The following DEFB107B variants were observed in gnomAD, a reference collection of about 807,000 sequenced individuals.
The protein encoded by DEFB107B is defensin beta 107B, also known as beta-defensin 107.
At chr8:7,496,547 TCC>T (rs1811750373) in intron 1 of DEFB107B, among the ~76,000 whole-genome samples, 1 of 147,708 alleles carries the variant, frequency 6.8e-6, no homozygotes, top group Admixed American at 6.7e-5. Context: ...TGATCCGCCC[TCC>T]TCGGCCTCCC....
At chr8:7,497,541 C>G (rs1244376743) in intron 1 of DEFB107B, among the ~76,000 whole-genome samples, 8 of 152,062 alleles carry the variant, frequency 5.3e-5, no homozygotes, top group Non-Finnish European at 1.5e-5. Context: ...AACAATGTCC[C>G]CATGAAAGTT....
chr8:7,496,456 C>G (rs1473244619), intron 1 of DEFB107B, among the ~76,000 whole-genome samples: 1 of 151,170 alleles, frequency 6.6e-6, no homozygotes, highest in East Asian at 2.0e-4. Context: ...CCCGCCACCA[C>G]GCCTGGCTAA....
chr8:7,496,490 C>T (rs1353740706), intron 1 of DEFB107B, among the ~76,000 whole-genome samples: 6 of 151,984 alleles, frequency 3.9e-5, no homozygotes, highest in South Asian at 2.1e-4. Context: ...TTAGTAGAGA[C>T]GGGGTTTCAC....
chr8:7,507,576 A>G, intron 1 of DEFB107B, among the ~76,000 whole-genome samples: 1 of 115,506 alleles, frequency 8.7e-6, no homozygotes, highest in Non-Finnish European at 1.7e-5. Context: ...TTCATGTAAA[A>G]GTCCAAAAAT....
chr8:7,496,288 TTC>T, intron 1 of DEFB107B, among the ~76,000 whole-genome samples: 1 of 89,232 alleles, frequency 1.1e-5, no homozygotes, highest in African/African-American at 4.7e-5. Context: ...GTTCAGCATA[TTC>T]TTTTTTTTTT....
intron 1 of DEFB107B, among the ~76,000 whole-genome samples, chr8:7,508,559 T>C (rs1244715988): frequency 7.3e-6 from 1 of 137,534 alleles, no homozygotes; most frequent in Non-Finnish European, 1.5e-5. Context: ...TTGGTGTTCT[T>C]TGCACAGTAA....
chr8:7,497,337 GAC>G (rs1318234729), intron 1 of DEFB107B, among the ~76,000 whole-genome samples: 1 of 152,268 alleles, frequency 6.6e-6, no homozygotes, highest in Non-Finnish European at 1.5e-5. Flanking sequence ...ATATCAATGA[GAC>G]AGGAAAATTC....
In DEFB107B at chr8:7,498,845, T is replaced by C. The variant is rs1811822668; in HGVS notation, c.70+2842T>C. Among the ~76,000 whole-genome samples the C allele has an allele frequency of 9.6e-5, 2 of 20,834 alleles. 1 individual carries two copies. Among genetic ancestry groups the C allele is most frequent in the Non-Finnish European group, 4.0e-4 (2 of 4,970 alleles). The allele number at this position is 20,834 out of a possible 152,430, so 13.7% of individuals were successfully genotyped here. A position where few individuals can be genotyped will look rare whatever the true frequency, so the allele number is the denominator to read the frequency against. Reference sequence around the variant, plus strand: ...GATCTCTCTTGCTTTTCCCCACATTTCCCCCTTTTCTTTTCGACAAAACCG... The same window carrying C: ...GATCTCTCTTGCTTTTCCCCACATTCCCCCCTTTTCTTTTCGACAAAACCG... On this transcript the variant is annotated intron_variant, in intron 1 of 1. Transcript: ENST00000355602.
intron 1 of DEFB107B, among the ~76,000 whole-genome samples, chr8:7,496,504 G>A (rs1233734216): frequency 1.2e-4 from 18 of 152,024 alleles, no homozygotes; most frequent in Non-Finnish European, 1.5e-5. Context: ...GTTTCACCGT[G>A]TTAGCCAGGA....
Position 7,502,811 on chromosome 8 carries a change from C to A in DEFB107B, c.71-6270C>A, listed in dbSNP as rs1420669048. On this transcript the variant is annotated intron_variant, in intron 1 of 1. Transcript: ENST00000355602. ...GCTATTGCCAGTCCAGCACTGGCAA[C>A]CTCTGCTTGCAGAAATGTATAACAG... Among the ~76,000 whole-genome samples the A allele has an allele frequency of 1.7e-4, 4 of 23,386 alleles. 2 individuals are homozygous for A. The highest frequency in any genetic ancestry group is 7.1e-4 in the Non-Finnish European group (4 of 5,650). 15.3% of individuals were successfully genotyped at this position (23,386 alleles called of 152,430 possible). A position where few individuals can be genotyped will look rare whatever the true frequency, so the allele number is the denominator to read the frequency against.
intron 1 of DEFB107B, among the ~76,000 whole-genome samples, chr8:7,496,220 G>T (rs1811723255): frequency 9.8e-6 from 1 of 102,112 alleles, no homozygotes; most frequent in Non-Finnish European, 2.0e-5. Flanking sequence ...CTCTGCCAAG[G>T]AATTCAGACA....
rs1374807540 is a variant in DEFB107B at position 7,506,940 on chromosome 8, T to C, written c.71-2141T>C. On this transcript the variant is annotated intron_variant, in intron 1 of 1. Coordinates refer to ENST00000355602, the MANE Select transcript of DEFB107B (RefSeq NM_001040705.2). Reference sequence around the variant, plus strand: ...CACAGACCCTTTACGGGTATCGGGCTGGGGGACGGTCATGTCTTTCCCTTC... The same window carrying C: ...CACAGACCCTTTACGGGTATCGGGCCGGGGGACGGTCATGTCTTTCCCTTC... Among the ~76,000 whole-genome samples the C allele has an allele frequency of 1.3e-4, 2 of 15,378 alleles. 1 individual carries two copies. The highest frequency in any genetic ancestry group is 3.9e-4 in the Non-Finnish European group (2 of 5,138). The allele number at this position is 15,378 out of a possible 152,430, so 10.1% of individuals were successfully genotyped here.
At chr8:7,508,293 G>A (rs1180272484) in intron 1 of DEFB107B, among the ~76,000 whole-genome samples, 2 of 138,478 alleles carry the variant, frequency 1.4e-5, no homozygotes, top group Admixed American at 7.2e-5. Flanking sequence ...TATTCCACAT[G>A]ATAATATTTC....
chr8:7,496,561 G>A (rs1488465056), intron 1 of DEFB107B, among the ~76,000 whole-genome samples: 4 of 150,336 alleles, frequency 2.7e-5, no homozygotes, highest in South Asian at 2.1e-4. Context: ...CGGCCTCCCA[G>A]AGCCCTGGGA....
At position 7,503,414 on chromosome 8, in the gene DEFB107B, C is replaced by A. The variant is rs1315159347; in HGVS notation, c.71-5667C>A. 3.9e-4 allele frequency among the ~76,000 whole-genome samples: 9 copies of A among 22,878 alleles called. 3 individuals are homozygous for A. The highest frequency in any genetic ancestry group is 7.0e-4 in the African/African-American group (9 of 12,898). The allele number at this position is 22,878 out of a possible 152,430, so 15.0% of individuals were successfully genotyped here. A position where few individuals can be genotyped will look rare whatever the true frequency, so the allele number is the denominator to read the frequency against. On this transcript the variant is annotated intron_variant, in intron 1 of 1. Coordinates refer to ENST00000355602, the MANE Select transcript of DEFB107B (RefSeq NM_001040705.2). ...GTTAATGGTATGGGTTTCGGAGGCTCTATAGTGGCCACCCCTAAAAAGGAT... is the reference window on the plus strand; with the variant it reads ...GTTAATGGTATGGGTTTCGGAGGCTATATAGTGGCCACCCCTAAAAAGGAT...
chr8:7,507,711 C>A (rs201374913), intron 1 of DEFB107B, among the ~76,000 whole-genome samples: 1 of 128,274 alleles, frequency 7.8e-6, no homozygotes. Context: ...GATATTCTAA[C>A]AGGCAGGGTT....
chr8:7,496,455 A>C (rs1251871985), intron 1 of DEFB107B, among the ~76,000 whole-genome samples: 1 of 150,206 alleles, frequency 6.7e-6, no homozygotes, highest in Non-Finnish European at 1.5e-5. Context: ...ACCCGCCACC[A>C]CGCCTGGCTA....
At chr8:7,496,630 A>G (rs1269128416) in intron 1 of DEFB107B, among the ~76,000 whole-genome samples, 3,952 of 29,984 alleles carry the variant, frequency 0.13, 7 homozygotes, top group African/African-American at 0.37. Flanking sequence ...CTTTAAAATG[A>G]AAAAAAAAAA....
At chr8:7,496,580 A>C (rs1162815600) in intron 1 of DEFB107B, among the ~76,000 whole-genome samples, 623 of 149,178 alleles carry the variant, frequency 4.2e-3, no homozygotes, top group African/African-American at 0.014. Context: ...GATTACAGGC[A>C]TGAGCCACCG....
Sources: gnomAD v4.1 joint callset for allele counts (sites outside exome capture counted in the v4.1 genomes callset) on GRCh38, gnomAD v4.1.1 for gene constraint, MANE v1.5 for transcripts, NCBI Gene and HGNC (gene_info 2026-07-23, HGNC 2026-07-21) for gene names.